The following MEDAG variants were observed in gnomAD, a reference collection of about 807,000 sequenced individuals.
MEDAG encodes mesenteric estrogen dependent adipogenesis.
A neutral mutation model predicts 29.9 loss-of-function variants in MEDAG; 25 were observed. The ratio of observed to expected loss-of-function variants is 0.84; its 90% CI spans 0.61 to 1.17. MEDAG has a LOEUF of 1.17. MEDAG is among the 50% of genes most tolerant of loss of function. The pLI, the probability that MEDAG is intolerant of heterozygous loss-of-function variation, is 0.00. For missense variants in MEDAG, 398 were observed against 372.9 expected (o/e 1.07, Z -0.56); for synonymous variants, 158 against 148.2 (o/e 1.07, Z -0.48).
rs1403292450 is a variant in MEDAG, at chr13:30,906,458, G to T, written c.-58G>T. 4.3e-6 allele frequency: 6 copies of T among 1,400,642 alleles called. No individual in the cohort carries two copies. Among genetic ancestry groups the T allele is most frequent in the Admixed American group, 2.9e-5 (1 of 34,696 alleles). The allele number at this position is 1,400,642 out of a possible 1,614,324, so 86.8% of individuals were successfully genotyped here. On this transcript the variant is annotated 5_prime_UTR_variant, in exon 1 of 5. Coordinates refer to ENST00000380482, the MANE Select transcript of MEDAG (RefSeq NM_032849.4). ...CCCCTCCTGGGGACCATCAGGTGCCGGCTGGGGGCTGTAGGCACCGGACGG... is the reference window on the plus strand; with the variant it reads ...CCCCTCCTGGGGACCATCAGGTGCCTGCTGGGGGCTGTAGGCACCGGACGG...
At chr13:30,910,745 G>A (rs545064783) in intron 1 of MEDAG, among the ~76,000 whole-genome samples, 2 of 152,344 alleles carry the variant, frequency 1.3e-5, no homozygotes, top group African/African-American at 4.8e-5. Flanking sequence ...TACTCAGGGC[G>A]GAGAATGCAG....
At chr13:30,912,134 T>A (rs1355162650) in intron 1 of MEDAG, among the ~76,000 whole-genome samples, 1 of 152,204 alleles carries the variant, frequency 6.6e-6, no homozygotes, top group East Asian at 1.9e-4. Flanking sequence ...TTACACACAC[T>A]AAGTGTCAAT....
chr13:30,918,824 A>C (rs1342000429), intron 2 of MEDAG, among the ~76,000 whole-genome samples: 1 of 152,234 alleles, frequency 6.6e-6, no homozygotes, highest in Non-Finnish European at 1.5e-5. Flanking sequence ...AGGAGAGGCC[A>C]GGAACAGAAT....
chr13:30,910,615 TTA>T (rs1253238124), intron 1 of MEDAG, among the ~76,000 whole-genome samples: 1 of 152,262 alleles, frequency 6.6e-6, no homozygotes, highest in Admixed American at 6.5e-5. Context: ...ATAACTGGAA[TTA>T]TGTCAGCTAG....
intron 1 of MEDAG, among the ~76,000 whole-genome samples, chr13:30,910,995 T>TG (rs1336827141): frequency 6.6e-6 from 1 of 152,220 alleles, no homozygotes; most frequent in African/African-American, 2.4e-5. Context: ...ACAGTGATGT[T>TG]GGTGAAATAA....
At position 30,906,730 on chromosome 13, in the gene MEDAG, T is replaced by A; in HGVS notation, c.215T>A (p.Val72Asp). ...GCGGCGGCGCGGGGGGGCTTCAACG[T>A]CTTCGGTGACGGCCTCGTGCGCCTC... ...EPAAARGGFNVFGDGLVRLDG... is the reference protein window; with the variant it reads ...EPAAARGGFNDFGDGLVRLDG... The change falls in exon 1 of 5, where the codon GTC (valine) becomes GAC (aspartate). Residue 72 changes from valine to aspartate, a missense_variant. Coordinates refer to ENST00000380482, the MANE Select transcript of MEDAG (RefSeq NM_032849.4). 1 of 1,514,780 alleles carries A rather than the reference T, an allele frequency of 6.6e-7. No individual in the cohort carries two copies. 93.8% of individuals were successfully genotyped at this position (1,514,780 alleles called of 1,614,324 possible).
chr13:30,911,631 A>T (rs934297692), intron 1 of MEDAG, among the ~76,000 whole-genome samples: 2 of 152,062 alleles, frequency 1.3e-5, no homozygotes, highest in African/African-American at 4.8e-5. Context: ...GCCCCTCCTG[A>T]CTTGCTCCCC....
rs553584723 is a variant in MEDAG, at chr13:30,921,163, A to C, written c.501+37A>C. ...CTGTCTGAATCCAGGGCTGTCAACC[A>C]CATGGAAGGAGCTTGTGCATTTCAT... is the stretch of plus-strand genomic sequence containing the variant. On this transcript the variant is annotated intron_variant, in intron 3 of 4. Coordinates refer to ENST00000380482, the MANE Select transcript of MEDAG (RefSeq NM_032849.4). 1.6e-4 allele frequency: 251 copies of C among 1,539,390 alleles called. 3 individuals carry two copies. The South Asian group carries it at 2.8e-3, about 17-fold the overall frequency.
At chr13:30,915,680 C>G (rs1952920850) in intron 1 of MEDAG, among the ~76,000 whole-genome samples, 2 of 151,106 alleles carry the variant, frequency 1.3e-5, no homozygotes. Context: ...CCTGAGGTTC[C>G]CCCATCTCAC....
intron 1 of MEDAG, chr13:30,916,663 G>A (rs1255330638): frequency 6.6e-6 from 1 of 152,218 alleles, no homozygotes; most frequent in Non-Finnish European, 1.5e-5. Context: ...TCTGCACTTG[G>A]ACCTTTTTAT....
At chr13:30,914,794 G>A (rs767229804) in intron 1 of MEDAG, among the ~76,000 whole-genome samples, 9 of 152,174 alleles carry the variant, frequency 5.9e-5, no homozygotes, top group Admixed American at 2.0e-4. Flanking sequence ...AATTTTGTAC[G>A]CAGAGGGACA....
Position 30,910,078 on chromosome 13 carries a change from G to A in MEDAG, c.278+3285G>A, listed in dbSNP as rs75978998. Among the ~76,000 whole-genome samples, 216 of 151,892 alleles carry A rather than the reference G, an allele frequency of 1.4e-3. 2 individuals carry two copies. The highest frequency in any genetic ancestry group is 5.0e-3 in the African/African-American group (207 of 41,378). On this transcript the variant is annotated intron_variant, in intron 1 of 4. Coordinates refer to ENST00000380482, the MANE Select transcript of MEDAG (RefSeq NM_032849.4). ...ATTTTCTTTCAAGATCAGGATTTTC[G>A]CCCATGTTGTAAACACAATGTGCTC...
chr13:30,924,465 G>C lies in MEDAG; in HGVS notation c.*30G>C. 6.2e-7 allele frequency: 1 copy of C among 1,609,778 alleles called. No individual in the cohort carries two copies. ...ACTGAACATTGTAGCAGTTGCTCCC[G>C]CACTCCAGGCCTGTGCTAGACTATA... On this transcript the variant is annotated 3_prime_UTR_variant, in exon 5 of 5. Transcript: ENST00000380482.
At chr13:30,911,996 A>AGTCTCCT (rs1039171115) in intron 1 of MEDAG, among the ~76,000 whole-genome samples, 10 of 152,184 alleles carry the variant, frequency 6.6e-5, no homozygotes, top group African/African-American at 2.4e-4. Flanking sequence ...AGGAGACTAT[A>AGTCTCCT]TGCTTCTTAA....
In MEDAG at chr13:30,921,784, T is replaced by C. The variant is rs1952988994; in HGVS notation, c.725T>C (p.Met242Thr). The change falls in exon 4 of 5, where the codon ATG (methionine) becomes ACG (threonine). Residue 242 changes from methionine to threonine, a missense_variant. Physicochemically the swap from Met to Thr is moderately conservative, Grantham distance 81. Transcript: ENST00000380482. Reference sequence around the variant, plus strand: ...ACGATTAAGTTATTTCTGGAAAAAATGAGTGAGCCTTTAATCCGAAGGAGC... The same window carrying C: ...ACGATTAAGTTATTTCTGGAAAAAACGAGTGAGCCTTTAATCCGAAGGAGC... ...KETIKLFLEK[M>T]SEPLIRRSSF... is the part of the protein sequence containing the mutation. 6.2e-7 allele frequency: 1 copy of C among 1,613,386 alleles called. No individual in the cohort carries two copies. Among genetic ancestry groups the C allele is most frequent in the Non-Finnish European group, 8.5e-7 (1 of 1,179,854 alleles).
intron 2 of MEDAG, among the ~76,000 whole-genome samples, chr13:30,919,464 A>G (rs1952961669): frequency 1.3e-5 from 2 of 152,200 alleles, no homozygotes; most frequent in African/African-American, 4.8e-5. Context: ...TGTGGCCATG[A>G]GTATATAATG....
Position 30,917,257 on chromosome 13 carries a change from G to A in MEDAG, c.279-146G>A, listed in dbSNP as rs1487700664. 3.5e-5 allele frequency: 23 copies of A among 660,060 alleles called. No individual in the cohort carries two copies. The Middle Eastern group carries it at 1.7e-3, about 49-fold the overall frequency. 40.9% of individuals were successfully genotyped at this position (660,060 alleles called of 1,614,324 possible). On this transcript the variant is annotated intron_variant, in intron 1 of 4. Coordinates refer to ENST00000380482, the MANE Select transcript of MEDAG (RefSeq NM_032849.4). ...CAATCAGCCATGACCAGAAAGATTC[G>A]TTTATATGGTGACCTCTGTAAGGAT...
rs1037808910 is a variant in MEDAG, at chr13:30,906,712, C to T, written c.197C>T (p.Ala66Val). 2 of 1,514,994 alleles carry T rather than the reference C, an allele frequency of 1.3e-6. No individual in the cohort carries two copies. Among genetic ancestry groups the T allele is most frequent in the African/African-American group, 1.4e-5 (1 of 70,784 alleles). 93.8% of individuals were successfully genotyped at this position (1,514,994 alleles called of 1,614,324 possible). The change falls in exon 1 of 5, where the codon GCG becomes GTG. Residue 66 changes from alanine (A) to valine (V), a missense_variant. Transcript: ENST00000380482. The stretch of plus-strand genomic sequence containing the variant: ...GCCAGGCCCGGGGAGCCGGCGGCGG[C>T]GCGGGGGGGCTTCAACGTCTTCGGT... ...VVARPGEPAA[A>V]RGGFNVFGDG... is the part of the protein sequence containing the mutation.
In MEDAG at chr13:30,906,740, C is replaced by T; in HGVS notation, c.225C>T (p.Asp75=). Residue 75 remains aspartate (D), a synonymous_variant, in exon 1 of 5, where the codon GAC becomes GAT. Coordinates refer to ENST00000380482, the MANE Select transcript of MEDAG (RefSeq NM_032849.4). ...AARGGFNVFG[D]GLVRLDGQLY... is the part of the protein sequence containing the mutation. Reference sequence around the variant, plus strand: ...GGGGGGGCTTCAACGTCTTCGGTGACGGCCTCGTGCGCCTCGACGGGCAGC... The same window carrying T: ...GGGGGGGCTTCAACGTCTTCGGTGATGGCCTCGTGCGCCTCGACGGGCAGC... The T allele has an allele frequency of 2.0e-6, 3 of 1,510,844 alleles. No homozygotes were observed. Among genetic ancestry groups the T allele is most frequent in the Non-Finnish European group, 2.6e-6 (3 of 1,139,168 alleles). 93.6% of individuals were successfully genotyped at this position (1,510,844 alleles called of 1,614,324 possible).
Sources: gnomAD v4.1 joint callset for allele counts (sites outside exome capture counted in the v4.1 genomes callset) on GRCh38, gnomAD v4.1.1 for gene constraint, MANE v1.5 for transcripts, NCBI Gene and HGNC (gene_info 2026-07-23, HGNC 2026-07-21) for gene names.